Variants in TENM3 observed in about 807,000 individuals in gnomAD.
TENM3 encodes teneurin transmembrane protein 3, also known as teneurin-3.
Under a neutral mutation model 255.1 loss-of-function variants are expected in TENM3, and 63 were observed. That is an observed-to-expected ratio of 0.25 (90% CI 0.20 to 0.30). TENM3 has a LOEUF of 0.30. Ranked by LOEUF, TENM3 falls within the 10% of genes least tolerant of loss-of-function variation. The probability of loss-of-function intolerance (pLI) is 1.00; values close to 1 mark genes in which losing one functional copy is unlikely to be tolerated. For missense variants in TENM3, 2,929 were observed against 3,461.1 expected (o/e 0.85, Z 3.86); for synonymous variants, 1,306 against 1,322.3 (o/e 0.99, Z 0.27).
At chr4:182,449,021 C>T (rs1234713168) in intron 3 of TENM3, 2 of 390,652 alleles carry the variant, frequency 5.1e-6, no homozygotes, top group Non-Finnish European at 1.0e-5. Flanking sequence ...GCTCCAGACC[C>T]AGGCAACTTG....
intron 3 of TENM3, among the ~76,000 whole-genome samples, chr4:182,519,277 CCTG>C (rs1738315870): frequency 6.6e-6 from 1 of 152,100 alleles, no homozygotes; most frequent in Non-Finnish European, 1.5e-5. Context: ...ATTAATTTCA[CCTG>C]CTTTTAAAAA....
At chr4:182,115,243 T>C in the TENM3 span, among the ~76,000 whole-genome samples, 2 of 150,772 alleles carry the variant, frequency 1.3e-5, no homozygotes, top group Admixed American at 1.3e-4. Context: ...GTTTCCTCTA[T>C]ATCTATATTT....
chr4:182,653,394 A>G (rs950070523), intron 5 of TENM3, among the ~76,000 whole-genome samples: 2 of 152,254 alleles, frequency 1.3e-5, no homozygotes, highest in African/African-American at 4.8e-5. Context: ...GCAAAGTAGC[A>G]TAAATTTGCA....
the TENM3 span, among the ~76,000 whole-genome samples, chr4:181,547,811 CT>C: frequency 5.3e-5 from 8 of 151,650 alleles, no homozygotes; most frequent in East Asian, 3.9e-4. Context: ...TTTATTTTTT[CT>C]TTTTTTTATT....
At chr4:182,174,116 C>T (rs1372576384) in intron 1 of TENM3, among the ~76,000 whole-genome samples, 1 of 152,030 alleles carries the variant, frequency 6.6e-6, no homozygotes, top group Non-Finnish European at 1.5e-5. Flanking sequence ...CTGTGCTCTA[C>T]ATTTATCTTT....
At chr4:182,167,405 A>G (rs193112461) in intron 1 of TENM3, among the ~76,000 whole-genome samples, 1 of 152,340 alleles carries the variant, frequency 6.6e-6, no homozygotes, top group East Asian at 1.9e-4. Flanking sequence ...TTGCTCTTGT[A>G]TTAAATACAT....
intron 4 of TENM3, among the ~76,000 whole-genome samples, chr4:182,608,314 C>T (rs931965204): frequency 6.6e-6 from 1 of 152,122 alleles, no homozygotes; most frequent in Non-Finnish European, 1.5e-5. Context: ...AGTGCATTGG[C>T]ACAATCACGG....
At chr4:182,552,078 T>C (rs1204628379) in intron 3 of TENM3, among the ~76,000 whole-genome samples, 1 of 151,848 alleles carries the variant, frequency 6.6e-6, no homozygotes, top group African/African-American at 2.4e-5. Context: ...GTGACAAGAC[T>C]GTTCATCAGC....
intron 6 of TENM3, among the ~76,000 whole-genome samples, chr4:182,666,308 T>C (rs996718791): frequency 5.3e-5 from 8 of 152,166 alleles, no homozygotes; most frequent in African/African-American, 1.7e-4. Context: ...TTTGAGAGGG[T>C]TGACTCCGAT....
rs1579430423 is a variant in TENM3 at position 182,770,402 on chromosome 4, T to C, written c.4893-3070T>C. Among the ~76,000 whole-genome samples, 4 of 152,110 alleles carry C rather than the reference T, an allele frequency of 2.6e-5. 1 individual carries two copies. The South Asian group carries it at 8.3e-4, about 32-fold the overall frequency. ...ACCCAAGGCTCCCTTCCAGTATGAC[T>C]CTGTGCTGGCCACTGTGCCTCAGCC... On this transcript the variant is annotated intron_variant, in intron 22 of 27. Transcript: ENST00000511685.
At chr4:181,884,603 G>T in the TENM3 span, among the ~76,000 whole-genome samples, 1 of 151,992 alleles carries the variant, frequency 6.6e-6, no homozygotes, top group African/African-American at 2.4e-5. Flanking sequence ...ATGTTTTCAG[G>T]TTCATCCGTG....
At chr4:182,656,055 C>T (rs1275529273) in intron 6 of TENM3, among the ~76,000 whole-genome samples, 1 of 152,084 alleles carries the variant, frequency 6.6e-6, no homozygotes, top group Non-Finnish European at 1.5e-5. Flanking sequence ...GACTGAAGTT[C>T]CCCCAAGTGA....
the TENM3 span, among the ~76,000 whole-genome samples, chr4:181,447,922 C>T: frequency 6.6e-6 from 1 of 152,030 alleles, no homozygotes; most frequent in Non-Finnish European, 1.5e-5. Context: ...CTTTTCTGCA[C>T]CCTGCCTATA....
the TENM3 span, among the ~76,000 whole-genome samples, chr4:181,551,575 T>G: frequency 6.6e-6 from 1 of 152,132 alleles, no homozygotes; most frequent in Non-Finnish European, 1.5e-5. Context: ...ATTTTTATTT[T>G]TATCTCAATC....
At chr4:181,592,591 CTAAAAGAA>C in the TENM3 span, among the ~76,000 whole-genome samples, 6 of 150,958 alleles carry the variant, frequency 4.0e-5, no homozygotes, top group East Asian at 1.2e-3. Flanking sequence ...GTATTTTCAG[CTAAAAGAA>C]CGAAGTAAAA....
chr4:181,472,319 G>A, the TENM3 span, among the ~76,000 whole-genome samples: 1 of 151,846 alleles, frequency 6.6e-6, no homozygotes, highest in East Asian at 2.0e-4. Flanking sequence ...TATTATGGCA[G>A]AAGGTGGAAG....
upstream of TENM3, among the ~76,000 whole-genome samples, chr4:182,242,022 C>T (rs63228760): frequency 0.33 from 37,848 of 116,106 alleles, 7,147 homozygotes; most frequent in African/African-American, 0.53. Context: ...TTTCCTCTCT[C>T]TTTTTTTTTT....
At chr4:182,511,817 G>GA (rs1466114765) in intron 3 of TENM3, among the ~76,000 whole-genome samples, 2 of 152,086 alleles carry the variant, frequency 1.3e-5, no homozygotes, top group Non-Finnish European at 2.9e-5. Context: ...GGACTGGGTA[G>GA]AAAAAAATTA....
At chr4:181,684,315 A>G in the TENM3 span, among the ~76,000 whole-genome samples, 2 of 152,190 alleles carry the variant, frequency 1.3e-5, no homozygotes, top group African/African-American at 4.8e-5. Flanking sequence ...GGAATCCATT[A>G]TTTTGAATGT....
Sources: gnomAD v4.1 joint callset for allele counts (sites outside exome capture counted in the v4.1 genomes callset) on GRCh38, gnomAD v4.1.1 for gene constraint, MANE v1.5 for transcripts, NCBI Gene and HGNC (gene_info 2026-07-23, HGNC 2026-07-21) for gene names.